Variants in RTL9 observed in about 807,000 individuals in gnomAD.
RTL9 encodes retrotransposon Gag like 9, also known as retrotransposon Gag-like protein 9.
RTL9 carries 19 observed loss-of-function variants against 44.7 expected under a neutral mutation model. The observed-to-expected ratio is 0.42, with a 90% CI of 0.30 to 0.62. The LOEUF (loss-of-function observed/expected upper bound fraction) is 0.62, where lower values mean the gene tolerates loss of function less well. RTL9 is among the 20% of genes least tolerant of loss of function. RTL9 has a pLI of 0.16. For missense variants in RTL9, 1,105 were observed against 1,080.6 expected, an observed-to-expected ratio of 1.02 and a Z score of -0.32; for synonymous variants, 407 against 398.9, an observed-to-expected ratio of 1.02 and a Z score of -0.24.
At chrX:110,452,174 C>G in exon 1 of RTL9, 4 of 1,212,013 alleles carry the variant, frequency 3.3e-6, no homozygotes, top group Non-Finnish European at 4.5e-6. Context: ...CGGCAACAGC[C>G]TCTGAAACAA....
At chrX:110,451,538 G>T (rs776676173) in exon 1 of RTL9, 23 of 1,210,111 alleles carry the variant, frequency 1.9e-5, no homozygotes, top group Non-Finnish European at 2.3e-5. Flanking sequence ...CTGGAATAAT[G>T]TCATCGCTTT....
At chrX:110,446,194 G>A (rs146054822), upstream of RTL9, among the ~76,000 whole-genome samples, 587 of 111,693 alleles carry the variant, frequency 5.3e-3, 3 homozygotes, top group African/African-American at 0.019. Context: ...TGGGACTTGC[G>A]GGGAATGGGG....
chrX:110,418,287 A>G (rs765138105), upstream of RTL9, among the ~76,000 whole-genome samples: 3 of 112,316 alleles, frequency 2.7e-5, no homozygotes, highest in Admixed American at 9.4e-5. Flanking sequence ...CTCTGCCCCA[A>G]AGGCTTTTCA....
intron 1 of RTL9, among the ~76,000 whole-genome samples, chrX:110,401,894 C>T (rs752453370): frequency 8.9e-6 from 1 of 112,212 alleles, no homozygotes; most frequent in Admixed American, 9.4e-5. Flanking sequence ...GTTAACTGTT[C>T]CCTTAAATCA....
At chrX:110,438,821 T>A (rs1391510233) in intron 1 of RTL9, among the ~76,000 whole-genome samples, 1 of 112,212 alleles carries the variant, frequency 8.9e-6, no homozygotes, top group Non-Finnish European at 1.9e-5. Flanking sequence ...AAGGAACATC[T>A]TATCCTTTGC....
chrX:110,363,330 A>T (rs1328325465), intron 1 of RTL9, among the ~76,000 whole-genome samples: 6 of 112,238 alleles, frequency 5.3e-5, no homozygotes, highest in African/African-American at 1.9e-4. Context: ...CTCTAGAATT[A>T]AGGTCAACTG....
At chrX:110,399,491 A>C (rs1232253340) in intron 1 of RTL9, among the ~76,000 whole-genome samples, 1 of 112,219 alleles carries the variant, frequency 8.9e-6, no homozygotes, top group Non-Finnish European at 1.9e-5. Flanking sequence ...GGAGTGAAAA[A>C]ATCATTTTTG....
At chrX:110,451,762 C>G (rs2068942886) in exon 1 of RTL9, 1 of 1,209,996 alleles carries the variant, frequency 8.3e-7, no homozygotes, top group African/African-American at 1.8e-5. Context: ...AATGTAGACT[C>G]TGAAATGATG....
chrX:110,413,133 G>A (rs2068652749), intron 1 of RTL9, among the ~76,000 whole-genome samples: 1 of 110,230 alleles, frequency 9.1e-6, no homozygotes, highest in Admixed American at 9.6e-5. Flanking sequence ...CTGCCACCCC[G>A]ACTCATCCAC....
rs142259277 is a variant in RTL9, at chrX:110,428,017, G to A, written c.-168+8882G>A. On this transcript the variant is annotated intron_variant, in intron 1 of 3. Transcript: ENST00000465301. ...GATGCCCCTCCTCTGTACTCCCACA[G>A]CGTCCACAACATAGCACTGGATACA... 1.9e-4 allele frequency among the ~76,000 whole-genome samples: 21 copies of A among 112,049 alleles called. No individual in the cohort carries two copies. The East Asian group carries it at 5.9e-3, about 32-fold the overall frequency.
chrX:110,396,439 C>A (rs1351542123), intron 1 of RTL9, among the ~76,000 whole-genome samples: 3 of 100,266 alleles, frequency 3.0e-5, no homozygotes, highest in Admixed American at 2.1e-4. Context: ...AATTATTATC[C>A]CCCCCATCGC....
At chrX:110,441,945 A>G (rs2068882664) in intron 1 of RTL9, among the ~76,000 whole-genome samples, 1 of 111,719 alleles carries the variant, frequency 9.0e-6, no homozygotes, top group Non-Finnish European at 1.9e-5. Flanking sequence ...GAAAACTGAG[A>G]TTCAGAAGTT....
At chrX:110,385,529 C>T (rs774208091) in intron 1 of RTL9, among the ~76,000 whole-genome samples, 35 of 111,789 alleles carry the variant, frequency 3.1e-4, no homozygotes, top group African/African-American at 1.1e-3. Flanking sequence ...CCCTCTCCCC[C>T]TTCCCAGCTC....
At chrX:110,441,037 G>A (rs1037275068) in intron 1 of RTL9, among the ~76,000 whole-genome samples, 4 of 111,913 alleles carry the variant, frequency 3.6e-5, no homozygotes, top group Non-Finnish European at 5.6e-5. Flanking sequence ...TATGTGGAAA[G>A]GTCAGCATAT....
chrX:110,385,771 A>G (rs2068450805), intron 1 of RTL9, among the ~76,000 whole-genome samples: 1 of 107,812 alleles, frequency 9.3e-6, no homozygotes, highest in Non-Finnish European at 1.9e-5. Context: ...CCCATCACCC[A>G]GACAGTGAGC....
chrX:110,402,282 G>GT (rs1318873482), intron 1 of RTL9, among the ~76,000 whole-genome samples: 1 of 113,090 alleles, frequency 8.8e-6, no homozygotes, highest in African/African-American at 3.2e-5. Context: ...ATAAATATTT[G>GT]TTTTTTGCCT....
upstream of RTL9, among the ~76,000 whole-genome samples, chrX:110,445,801 G>A (rs1394506168): frequency 4.5e-5 from 5 of 112,029 alleles, no homozygotes; most frequent in African/African-American, 1.3e-4. Context: ...CCTCCTAGCC[G>A]TATTGATCAG....
chrX:110,444,214 C>A (rs1171330271), intron 1 of RTL9, among the ~76,000 whole-genome samples: 3 of 112,876 alleles, frequency 2.7e-5, no homozygotes, highest in African/African-American at 9.6e-5. Flanking sequence ...GGCCAAGTCC[C>A]GCCTCAGCAG....
chrX:110,387,850 CCT>C (rs1317483103), intron 1 of RTL9, among the ~76,000 whole-genome samples: 3 of 104,560 alleles, frequency 2.9e-5, no homozygotes, highest in African/African-American at 1.1e-4. Flanking sequence ...TCGTTATCTC[CCT>C]CTCTCTTTTT....
Sources: gnomAD v4.1 joint callset for allele counts (sites outside exome capture counted in the v4.1 genomes callset) on GRCh38, gnomAD v4.1.1 for gene constraint, MANE v1.5 for transcripts, NCBI Gene and HGNC (gene_info 2026-07-23, HGNC 2026-07-21) for gene names.